The following EFCAB6 variants were observed in gnomAD, a reference collection of about 807,000 sequenced individuals.
EFCAB6 encodes EF-hand calcium binding domain 6.
EFCAB6 carries 156 observed loss-of-function variants against 169.8 expected under a neutral mutation model. That is an observed-to-expected ratio of 0.92 (90% CI 0.81 to 1.05). The LOEUF (loss-of-function observed/expected upper bound fraction) is 1.05. EFCAB6 is among the 50% of genes least tolerant of loss of function. The pLI is 0.00. For missense variants in EFCAB6, 1,800 were observed against 1,829.1 expected (o/e 0.98, Z 0.29); for synonymous variants, 698 against 676.4 (o/e 1.03, Z -0.50).
chr22:43,761,655 G>T (rs2061164532), intron 5 of EFCAB6, among the ~76,000 whole-genome samples: 1 of 152,154 alleles, frequency 6.6e-6, no homozygotes, highest in African/African-American at 2.4e-5. Context: ...TATTTCAAGT[G>T]TTTGGAGACC....
At chr22:43,789,469 T>G (rs1280541895) in intron 2 of EFCAB6, among the ~76,000 whole-genome samples, 1 of 152,044 alleles carries the variant, frequency 6.6e-6, no homozygotes, top group Non-Finnish European at 1.5e-5. Flanking sequence ...GATTATGATT[T>G]AAAGACCTTA....
chr22:43,793,084 A>C (rs2062367174), intron 2 of EFCAB6, among the ~76,000 whole-genome samples: 1 of 152,188 alleles, frequency 6.6e-6, no homozygotes, highest in Non-Finnish European at 1.5e-5. Context: ...ACACCACCTG[A>C]GGAGTAAGAT....
intron 26 of EFCAB6, among the ~76,000 whole-genome samples, chr22:43,556,376 G>T (rs557181655): frequency 6.6e-6 from 1 of 152,304 alleles, no homozygotes; most frequent in East Asian, 1.9e-4. Context: ...GAAGACACGC[G>T]TGGGAGTCGG....
At chr22:43,663,442 A>G (rs144816830) in intron 17 of EFCAB6, among the ~76,000 whole-genome samples, 163 of 152,336 alleles carry the variant, frequency 1.1e-3, no homozygotes, top group African/African-American at 3.8e-3. Flanking sequence ...GCCAGTGATG[A>G]TAATTTATAT....
At position 43,697,801 on chromosome 22, in the gene EFCAB6, T is replaced by A. The variant is rs2058628796; in HGVS notation, c.1032-10220A>T. 2.0e-5 allele frequency among the ~76,000 whole-genome samples: 3 copies of A among 152,084 alleles called. No homozygotes were observed. The South Asian group carries it at 6.2e-4, about 32-fold the overall frequency. ...CATCCTATGAATCCAAGTAGAGACA[T>A]CGTAGCATGTGACTTCACGTACAGA... On this transcript the variant is annotated intron_variant, in intron 10 of 31. Transcript: ENST00000262726.
chr22:43,727,518 G>A (rs1449871727), intron 8 of EFCAB6, among the ~76,000 whole-genome samples: 1 of 152,166 alleles, frequency 6.6e-6, no homozygotes. Flanking sequence ...TATTTCTGTT[G>A]AGTGAACAGA....
intron 20 of EFCAB6, among the ~76,000 whole-genome samples, chr22:43,626,047 GTATGTGTGTATATA>G (rs2054495083): frequency 6.6e-6 from 1 of 151,704 alleles, no homozygotes; most frequent in Non-Finnish European, 1.5e-5. Context: ...GTATATGTAT[GTATGTGTGTATATA>G]TATGTATGTG....
intron 17 of EFCAB6, among the ~76,000 whole-genome samples, chr22:43,645,451 A>C (rs2056095868): frequency 6.6e-6 from 1 of 152,234 alleles, no homozygotes; most frequent in African/African-American, 2.4e-5. Context: ...AGAGAGTTGG[A>C]CCACTACTGT....
chr22:43,689,207 C>CG lies in EFCAB6; in HGVS notation c.1032-1627dup, dbSNP rs200891893. 5.9e-4 allele frequency among the ~76,000 whole-genome samples: 89 copies of CG among 151,032 alleles called. No individual in the cohort carries two copies. In the Middle Eastern group the frequency reaches 0.014, roughly 23 times the overall value. On this transcript the variant is annotated intron_variant, in intron 10 of 31. Coordinates refer to ENST00000262726, the MANE Select transcript of EFCAB6 (RefSeq NM_022785.4). ...TAGCCATTGAGAACAAAAAATTTTG[C>CG]GGGGGGGCGCAGGGCCGGAGGCAGG...
intron 6 of EFCAB6, among the ~76,000 whole-genome samples, chr22:43,748,267 G>A (rs1381783657): frequency 2.0e-5 from 3 of 152,170 alleles, no homozygotes; most frequent in Non-Finnish European, 4.4e-5. Flanking sequence ...GACCCATGCC[G>A]AAGGGTTAAA....
chr22:43,789,626 C>T (rs537435188), intron 2 of EFCAB6, among the ~76,000 whole-genome samples: 3 of 152,268 alleles, frequency 2.0e-5, no homozygotes, highest in South Asian at 2.1e-4. Flanking sequence ...TCAGCGGTCA[C>T]GACACTGTTA....
chr22:43,595,277 G>A (rs1407825674), intron 23 of EFCAB6, among the ~76,000 whole-genome samples: 2 of 151,582 alleles, frequency 1.3e-5, no homozygotes, highest in Admixed American at 1.3e-4. Context: ...TAAAATCAGA[G>A]CATAAATAAA....
intron 2 of EFCAB6, among the ~76,000 whole-genome samples, chr22:43,794,481 G>A (rs899201178): frequency 5.3e-5 from 8 of 152,204 alleles, no homozygotes; most frequent in African/African-American, 1.7e-4. Flanking sequence ...GCATGTGTAT[G>A]TGTGTATGCA....
chr22:43,598,721 A>G (rs1337005995), intron 23 of EFCAB6, among the ~76,000 whole-genome samples: 1 of 152,202 alleles, frequency 6.6e-6, no homozygotes, highest in Non-Finnish European at 1.5e-5. Flanking sequence ...TGATTATTAC[A>G]CATTGCATGC....
chr22:43,663,634 A>G (rs908089424), intron 17 of EFCAB6, among the ~76,000 whole-genome samples: 1 of 152,134 alleles, frequency 6.6e-6, no homozygotes, highest in Non-Finnish European at 1.5e-5. Context: ...TTCACAGCAA[A>G]TTGATTGTTA....
intron 18 of EFCAB6, among the ~76,000 whole-genome samples, chr22:43,632,903 A>G (rs1187568037): frequency 6.6e-6 from 1 of 152,196 alleles, no homozygotes; most frequent in Admixed American, 6.5e-5. Context: ...GTTTCCTGGA[A>G]TCATGTCCTA....
intron 2 of EFCAB6, among the ~76,000 whole-genome samples, chr22:43,796,891 G>A (rs186684000): frequency 6.6e-6 from 1 of 152,308 alleles, no homozygotes; most frequent in Admixed American, 6.5e-5. Flanking sequence ...AGTGGGCCCT[G>A]CTGTCTCGCA....
chr22:43,712,296 T>C (rs2059188516), intron 9 of EFCAB6, among the ~76,000 whole-genome samples: 1 of 151,194 alleles, frequency 6.6e-6, no homozygotes, highest in African/African-American at 2.4e-5. Context: ...GTAATAACAA[T>C]ATTCTCCAAT....
intron 1 of EFCAB6, among the ~76,000 whole-genome samples, chr22:43,811,556 T>C (rs1384407725): frequency 6.6e-6 from 1 of 152,092 alleles, no homozygotes; most frequent in Non-Finnish European, 1.5e-5. Context: ...ACAAAGTGCT[T>C]CCAAACAAAA....
Sources: gnomAD v4.1 joint callset for allele counts (sites outside exome capture counted in the v4.1 genomes callset) on GRCh38, gnomAD v4.1.1 for gene constraint, MANE v1.5 for transcripts, NCBI Gene and HGNC (gene_info 2026-07-23, HGNC 2026-07-21) for gene names.